DACH1: variants seen among roughly 807,000 people sequenced by gnomAD.
DACH1 encodes the protein dachshund homolog 1.
Under a neutral mutation model 54.2 loss-of-function variants are expected in DACH1, and 12 were observed. The observed-to-expected ratio is 0.22, with a 90% CI of 0.14 to 0.36. DACH1 has a LOEUF of 0.36. Ranked by LOEUF, DACH1 falls within the 10% of genes least tolerant of loss-of-function variation. DACH1 has a pLI of 1.00. For synonymous variants in DACH1, 386 were observed against 366.2 expected, an observed-to-expected ratio of 1.05 and a Z score of -0.62; for missense variants, 805 against 929.8, an observed-to-expected ratio of 0.87 and a Z score of 1.75.
chr13:71,538,637 A>AG lies in DACH1; in HGVS notation c.1570+18386dup, dbSNP rs567003358. Among the ~76,000 whole-genome samples the AG allele has an allele frequency of 4.5e-3, 686 of 152,218 alleles. 3 individuals carry two copies. Among genetic ancestry groups the AG allele is most frequent in the Admixed American group, 7.3e-3 (111 of 15,272 alleles). ...ATTTAGACCTTCACATGAATTCTCC[A>AG]GGGGAGCACTGAACAACAAACTACC... On this transcript the variant is annotated intron_variant, in intron 6 of 10. Transcript: ENST00000613252.
chr13:71,507,513 A>C (rs1880433082), intron 6 of DACH1, among the ~76,000 whole-genome samples: 1 of 152,194 alleles, frequency 6.6e-6, no homozygotes, highest in Middle Eastern at 3.2e-3. Context: ...AATACATTTT[A>C]TTTTGCCAAT....
At position 71,535,553 on chromosome 13, in the gene DACH1, G is replaced by T. The variant is rs74095965; in HGVS notation, c.1570+21471C>A. 9.3e-3 allele frequency among the ~76,000 whole-genome samples: 1,418 copies of T among 151,948 alleles called. 22 individuals carry two copies. Among genetic ancestry groups the T allele is most frequent in the African/African-American group, 0.033 (1,363 of 41,512 alleles). On this transcript the variant is annotated intron_variant, in intron 6 of 10. Coordinates refer to ENST00000613252, the MANE Select transcript of DACH1 (RefSeq NM_080759.6). ...ACAAATATGGTAAATTCCTTCAGCA[G>T]TTCAAAGGGTTAAAAAAGGTTTAAA...
At chr13:71,718,048 C>T (rs1348510167) in intron 1 of DACH1, among the ~76,000 whole-genome samples, 1 of 151,936 alleles carries the variant, frequency 6.6e-6, no homozygotes, top group African/African-American at 2.4e-5. Context: ...CATGGATCAC[C>T]TAGAAGGCCC....
At chr13:71,573,420 T>C in intron 3 of DACH1, 1 of 716,504 alleles carries the variant, frequency 1.4e-6, no homozygotes, top group Non-Finnish European at 2.6e-6. Flanking sequence ...CATCGTACCA[T>C]TTGGCAGAAG....
At chr13:71,482,793 GTTTTTTTT>G (rs10716729) in intron 7 of DACH1, among the ~76,000 whole-genome samples, 3 of 67,496 alleles carry the variant, frequency 4.4e-5, no homozygotes, top group South Asian at 7.4e-4. Context: ...TCAACTGACA[GTTTTTTTT>G]TTTTTTTTTT....
rs78542660 is a variant in DACH1, at chr13:71,573,477, C to T, written c.1127-465G>A. On this transcript the variant is annotated intron_variant, in intron 3 of 10. Transcript: ENST00000613252. ...GAGAGGATGACTAAGTGGAAGGCTA[C>T]GTGCTCCAGGCATGCGGGGGTGGGT... 1,349 of 715,084 alleles carry T rather than the reference C, an allele frequency of 1.9e-3. 12 individuals are homozygous for T. The African/African-American group carries it at 0.02, about 11-fold the overall frequency. The allele number at this position is 715,084 out of a possible 1,614,324, so 44.3% of individuals were successfully genotyped here.
Position 71,581,286 on chromosome 13 carries a change from A to G in DACH1, c.1127-8274T>C, listed in dbSNP as rs368367722. ...ATTATTATTGTTATTATTATTTTTTATACAGAATCTCACTATTACCCAGGC... is the reference window on the plus strand; with the variant it reads ...ATTATTATTGTTATTATTATTTTTTGTACAGAATCTCACTATTACCCAGGC... On this transcript the variant is annotated intron_variant, in intron 3 of 10. Coordinates refer to ENST00000613252, the MANE Select transcript of DACH1 (RefSeq NM_080759.6). Among the ~76,000 whole-genome samples, 132 of 152,236 alleles carry G rather than the reference A, an allele frequency of 8.7e-4. 1 individual carries two copies. Among genetic ancestry groups the G allele is most frequent in the African/African-American group, 3.1e-3 (129 of 41,536 alleles).
At chr13:71,552,469 G>T (rs921411164) in intron 6 of DACH1, among the ~76,000 whole-genome samples, 1 of 151,746 alleles carries the variant, frequency 6.6e-6, no homozygotes, top group Non-Finnish European at 1.5e-5. Context: ...TGAGTTACAG[G>T]CAAGGTAAGA....
chr13:71,479,215 T>A lies in DACH1; in HGVS notation c.1824A>T (p.Leu608=). Residue 608 remains leucine, a synonymous_variant, in exon 8 of 11, where the codon CTA becomes CTT. Coordinates refer to ENST00000613252, the MANE Select transcript of DACH1 (RefSeq NM_080759.6). ...LKMDFLRERE[L]RETLEKQLAM... ...CCAACTGCTTCTCAAGTGTTTCCCT[T>A]AGTTCTCTTTCCCTTAAAAAATCCA... The A allele has an allele frequency of 6.2e-7, 1 of 1,613,826 alleles. No individual in the cohort carries two copies.
In DACH1 at chr13:71,785,116, T is replaced by C. The variant is rs1332300605; in HGVS notation, c.848+80806A>G. Among the ~76,000 whole-genome samples the C allele has an allele frequency of 2.0e-5, 3 of 152,132 alleles. No individual in the cohort carries two copies. The East Asian group carries it at 5.8e-4, about 29-fold the overall frequency. ...TTGTGAGAGTTCTAAGATGTAAGAG[T>C]ATTCTGAACCACAAAATTAATAAGG... On this transcript the variant is annotated intron_variant, in intron 1 of 10. Transcript: ENST00000613252.
intron 6 of DACH1, among the ~76,000 whole-genome samples, chr13:71,537,645 G>A (rs116016446): frequency 6.6e-6 from 1 of 151,948 alleles, no homozygotes; most frequent in African/African-American, 2.4e-5. Context: ...GTCTTCAAAG[G>A]CTCCTTCATG....
chr13:71,478,118 C>T (rs900151075), intron 8 of DACH1, among the ~76,000 whole-genome samples: 1 of 152,172 alleles, frequency 6.6e-6, no homozygotes, highest in Non-Finnish European at 1.5e-5. Flanking sequence ...ATGGCTGTCT[C>T]ATGGAAGCTG....
chr13:71,452,267 A>G (rs1875130418), intron 10 of DACH1, among the ~76,000 whole-genome samples: 1 of 152,008 alleles, frequency 6.6e-6, no homozygotes, highest in Non-Finnish European at 1.5e-5. Flanking sequence ...AGCTGGGACT[A>G]CAGGCATGTG....
intron 4 of DACH1, among the ~76,000 whole-genome samples, chr13:71,569,706 C>T (rs1885090481): frequency 6.6e-6 from 1 of 152,060 alleles, no homozygotes; most frequent in Non-Finnish European, 1.5e-5. Context: ...TGTATTTTTG[C>T]TTCTCTTTTG....
chr13:71,521,769 A>G (rs1311805705), intron 6 of DACH1, among the ~76,000 whole-genome samples: 2 of 152,104 alleles, frequency 1.3e-5, no homozygotes, highest in Non-Finnish European at 2.9e-5. Flanking sequence ...CACCATACTT[A>G]AGCTTCATGG....
intron 10 of DACH1, among the ~76,000 whole-genome samples, chr13:71,450,167 T>TA (rs1874898139): frequency 1.2e-5 from 1 of 81,752 alleles, no homozygotes. Context: ...GGGACACAGA[T>TA]ACTTTTTTTT....
intron 6 of DACH1, among the ~76,000 whole-genome samples, chr13:71,528,757 C>A (rs1043726734): frequency 3.3e-5 from 5 of 151,906 alleles, no homozygotes; most frequent in Admixed American, 6.6e-5. Flanking sequence ...CCTTTCAGAA[C>A]CTCACCTGGA....
chr13:71,757,996 T>C (rs2137998692), intron 1 of DACH1, among the ~76,000 whole-genome samples: 1 of 152,244 alleles, frequency 6.6e-6, no homozygotes, highest in African/African-American at 2.4e-5. Context: ...TACAAACCTC[T>C]CTATGATTAA....
At chr13:71,754,969 A>T (rs1450169315) in intron 1 of DACH1, among the ~76,000 whole-genome samples, 2 of 152,176 alleles carry the variant, frequency 1.3e-5, no homozygotes, top group East Asian at 1.9e-4. Context: ...GCCGGGGGGA[A>T]ATCATCATAA....
Sources: allele counts gnomAD v4.1 joint callset (sites outside exome capture counted in the v4.1 genomes callset), GRCh38; gene constraint gnomAD v4.1.1; transcripts MANE v1.5; gene names NCBI Gene and HGNC (gene_info 2026-07-23, HGNC 2026-07-21).